NDNF: variants seen among roughly 807,000 people sequenced by gnomAD.
NDNF encodes protein NDNF.
A neutral mutation model predicts 42.0 loss-of-function variants in NDNF; 16 were observed. That is an observed-to-expected ratio of 0.38 (90% CI 0.26 to 0.58). NDNF has a LOEUF of 0.58. NDNF is among the 20% of genes least tolerant of loss of function. NDNF has a pLI of 0.67. For synonymous variants in NDNF, 248 were observed against 251.7 expected (o/e 0.99, Z 0.14); for missense variants, 616 against 666.2 (o/e 0.92, Z 0.83).
At chr4:121,056,961 G>A (rs1727306787) in intron 1 of NDNF, among the ~76,000 whole-genome samples, 1 of 152,202 alleles carries the variant, frequency 6.6e-6, no homozygotes, top group East Asian at 1.9e-4. Flanking sequence ...TGGGATTATG[G>A]AGTGGGTAAT....
intron 1 of NDNF, 181 bp downstream of exon 1, chr4:121,071,812 C>G (rs1727609801): frequency 6.6e-6 from 1 of 151,168 alleles, no homozygotes. Flanking sequence ...CCCCTCATGC[C>G]CTCAGCTCCT....
At chr4:121,049,752 CT>C (rs1318391704) in intron 1 of NDNF, among the ~76,000 whole-genome samples, 1 of 151,938 alleles carries the variant, frequency 6.6e-6, no homozygotes, top group Non-Finnish European at 1.5e-5. Context: ...TTATCTTTTG[CT>C]TTATCAAAAA....
chr4:121,040,798 A>G (rs1254081593), intron 2 of NDNF, among the ~76,000 whole-genome samples: 2 of 152,108 alleles, frequency 1.3e-5, no homozygotes, highest in Admixed American at 1.3e-4. Flanking sequence ...GTGTGCCACC[A>G]TATCTGGCTA....
chr4:121,039,192 G>GTGTATATATA (rs1461716985), intron 3 of NDNF, among the ~76,000 whole-genome samples: 2 of 21,554 alleles, frequency 9.3e-5, no homozygotes, highest in Non-Finnish European at 1.8e-4. Flanking sequence ...GTGTGTGTGT[G>GTGTATATATA]TATATATATA....
At chr4:121,043,268 C>T (rs561505187) in intron 2 of NDNF, among the ~76,000 whole-genome samples, 5 of 152,210 alleles carry the variant, frequency 3.3e-5, no homozygotes, top group East Asian at 3.9e-4. Flanking sequence ...TATGTATAAA[C>T]GTAAGAATAA....
intron 1 of NDNF, among the ~76,000 whole-genome samples, chr4:121,053,443 C>A (rs1727234175): frequency 6.6e-6 from 1 of 152,108 alleles, no homozygotes; most frequent in African/African-American, 2.4e-5. Flanking sequence ...AGTAAGTAAT[C>A]TTGTATTCCC....
chr4:121,040,813 T>C (rs1047855100), intron 2 of NDNF, among the ~76,000 whole-genome samples: 2 of 152,120 alleles, frequency 1.3e-5, no homozygotes, highest in African/African-American at 4.8e-5. Flanking sequence ...TGGCTAATTT[T>C]TAAATTTTTT....
At position 121,059,672 on chromosome 4, in the gene NDNF, A is replaced by C. The variant is rs558422202; in HGVS notation, c.-2+12321T>G. 9.9e-5 allele frequency among the ~76,000 whole-genome samples: 15 copies of C among 152,186 alleles called. 1 individual carries two copies. The South Asian group carries it at 1.2e-3, about 13-fold the overall frequency. ...GGCCTCTTTCCTCTGAAATCATGTA[A>C]ATTTTGGTTTGGTTAGGATCTATTC... On this transcript the variant is annotated intron_variant, in intron 1 of 3. Coordinates refer to ENST00000379692, the MANE Select transcript of NDNF (RefSeq NM_024574.4).
At chr4:121,039,130 G>T (rs1726932534) in intron 3 of NDNF, 1 of 62,874 alleles carries the variant, frequency 1.6e-5, no homozygotes, top group Non-Finnish European at 3.5e-5. Context: ...CGTATACATA[G>T]TTATATATAT....
intron 1 of NDNF, among the ~76,000 whole-genome samples, chr4:121,069,694 G>A (rs925075003): frequency 1.3e-5 from 2 of 152,234 alleles, no homozygotes; most frequent in African/African-American, 4.8e-5. Context: ...GGCATTCACT[G>A]AAGTGATGAA....
At chr4:121,045,924 T>G in intron 1 of NDNF, 86 bp from the exon 2 acceptor site, 1 of 1,271,458 alleles carries the variant, frequency 7.9e-7, no homozygotes, top group South Asian at 1.8e-5. Context: ...TAACACTATT[T>G]TAGCTTTGAT....
chr4:121,053,422 T>G (rs1193434426), intron 1 of NDNF, among the ~76,000 whole-genome samples: 1 of 152,188 alleles, frequency 6.6e-6, no homozygotes, highest in East Asian at 1.9e-4. Flanking sequence ...TCAAAGAGGA[T>G]CAGATTTTAA....
chr4:121,045,333 C>G (rs1404229799), intron 2 of NDNF, among the ~76,000 whole-genome samples: 5 of 148,588 alleles, frequency 3.4e-5, no homozygotes, highest in Non-Finnish European at 7.4e-5. Context: ...GCCTGGGCAA[C>G]AGAGCGAGAC....
chr4:121,063,732 C>T (rs1249470780), intron 1 of NDNF, among the ~76,000 whole-genome samples: 3 of 152,028 alleles, frequency 2.0e-5, no homozygotes, highest in Non-Finnish European at 4.4e-5. Flanking sequence ...TCAGAACCTG[C>T]GCGTGTTCAG....
At chr4:121,042,278 A>T (rs1305637036) in intron 2 of NDNF, among the ~76,000 whole-genome samples, 2 of 152,220 alleles carry the variant, frequency 1.3e-5, no homozygotes, top group South Asian at 4.1e-4. Flanking sequence ...GAATCCTAAC[A>T]CCACACTTCT....
chr4:121,048,085 A>G (rs1258217945), intron 1 of NDNF, among the ~76,000 whole-genome samples: 1 of 152,148 alleles, frequency 6.6e-6, no homozygotes, highest in African/African-American at 2.4e-5. Flanking sequence ...TGAAAATCCA[A>G]ATGGCATTTG....
At position 121,036,593 on chromosome 4, in the gene NDNF, G is replaced by T; in HGVS notation, c.1378C>A (p.Arg460Ser). The part of the protein sequence containing the change: ...DTRIKAFDKL[R>S]TCSSATVAWL... ...GCCACGGTGGCTGAGGAACAGGTAC[G>T]GAGCTTGTCAAAGGCTTTGATTCTT... The change falls in exon 4 of 4, where the codon CGT becomes AGT. Residue 460 changes from arginine to serine, a missense_variant. Arg to Ser is a moderately radical substitution (Grantham distance 110). Coordinates refer to ENST00000379692, the MANE Select transcript of NDNF (RefSeq NM_024574.4). The T allele has an allele frequency of 6.2e-7, 1 of 1,614,122 alleles. No homozygotes were observed. The highest frequency in any genetic ancestry group is 8.5e-7 in the Non-Finnish European group (1 of 1,179,996).
chr4:121,067,374 A>G (rs146901854), intron 1 of NDNF, among the ~76,000 whole-genome samples: 4 of 152,344 alleles, frequency 2.6e-5, no homozygotes, highest in South Asian at 4.1e-4. Flanking sequence ...TATATAAAAT[A>G]TTAAATGTGT....
At chr4:121,056,411 C>T (rs1727297372) in intron 1 of NDNF, among the ~76,000 whole-genome samples, 1 of 152,186 alleles carries the variant, frequency 6.6e-6, no homozygotes, top group African/African-American at 2.4e-5. Context: ...GGCAGGTCAG[C>T]AATCTTTTCA....
Sources: allele counts gnomAD v4.1 joint callset (sites outside exome capture counted in the v4.1 genomes callset), GRCh38; gene constraint gnomAD v4.1.1; transcripts MANE v1.5; gene names NCBI Gene and HGNC (gene_info 2026-07-23, HGNC 2026-07-21).